Variants in CA3 observed in about 807,000 individuals in gnomAD.
CA3 encodes CA-III.
In CA3, 30 loss-of-function variants were observed where a neutral mutation model predicts 35.7. That is an observed-to-expected ratio of 0.84 (90% confidence interval 0.63 to 1.14). CA3 has a LOEUF of 1.14. Among genes scored for constraint, CA3 ranks in the 50% most tolerant of loss-of-function variants. The pLI, the probability that CA3 is intolerant of heterozygous loss-of-function variation, is 0.00. For missense variants in CA3, 295 were observed against 328.5 expected (o/e 0.90, Z 0.79); for synonymous variants, 131 against 130.8 (o/e 1.00, Z -0.01).
At position 85,448,274 on chromosome 8, in the gene CA3, G is replaced by T; in HGVS notation, c.*121G>T. The T allele has an allele frequency of 1.0e-6, 1 of 981,826 alleles. No homozygotes were observed. Among genetic ancestry groups the T allele is most frequent in the Non-Finnish European group, 1.4e-6 (1 of 700,552 alleles). 60.8% of individuals were successfully genotyped at this position (981,826 alleles called of 1,614,324 possible). On this transcript the variant is annotated 3_prime_UTR_variant, in exon 7 of 7. Transcript: ENST00000285381. ...CATTTTTCCACACTGAGCAATGAATGTGAGAGATGTGGTCACCAAGATCTA... is the reference window on the plus strand; with the variant it reads ...CATTTTTCCACACTGAGCAATGAATTTGAGAGATGTGGTCACCAAGATCTA...
At position 85,448,090 on chromosome 8, in the gene CA3, T is replaced by C; in HGVS notation, c.720T>C (p.Leu240=). Reference sequence around the variant, plus strand: ...CTGAGAACGAGCCCCCAGTGCCTCTTGTGAGCAACTGGCGACCTCCACAGC... The same window carrying C: ...CTGAGAACGAGCCCCCAGTGCCTCTCGTGAGCAACTGGCGACCTCCACAGC... The part of the protein sequence containing the change: ...SSAENEPPVP[L]VSNWRPPQPI... The change falls in exon 7 of 7, where the codon CTT becomes CTC. Residue 240 remains leucine (L), a synonymous_variant. Transcript: ENST00000285381. The C allele has an allele frequency of 6.2e-7, 1 of 1,613,728 alleles. No individual in the cohort carries two copies. Among genetic ancestry groups the C allele is most frequent in the Non-Finnish European group, 8.5e-7 (1 of 1,179,812 alleles).
In CA3 at chr8:85,439,719, CCA is replaced by C; in HGVS notation, c.44_45del (p.His15LeufsTer3). ...CTCGACTTTATTTCCTAGGTCCTGACCACTGGCATGAACTTTTCCCAAATGCC... is the reference window on the plus strand; with the variant it reads ...CTCGACTTTATTTCCTAGGTCCTGACCTGGCATGAACTTTTCCCAAATGCC... The part of the protein sequence containing the change: ...WGYASHNGPD[H>X]WHELFPNAKG... On this transcript the variant is annotated frameshift_variant, in exon 2 of 7. Coordinates refer to ENST00000285381, the MANE Select transcript of CA3 (RefSeq NM_005181.4). LOFTEE classifies it high-confidence loss of function. 1 of 1,613,070 alleles carries C rather than the reference CCA, an allele frequency of 6.2e-7. No individual in the cohort carries two copies. The highest frequency in any genetic ancestry group is 1.1e-5 in the South Asian group (1 of 91,062).
At chr8:85,445,917 A>G (rs1205597331) in intron 5 of CA3, among the ~76,000 whole-genome samples, 2 of 152,244 alleles carry the variant, frequency 1.3e-5, no homozygotes, top group Non-Finnish European at 2.9e-5. Flanking sequence ...CAGCTAAAAC[A>G]CTAAGGAACA....
At chr8:85,443,909 T>C in intron 3 of CA3, 125 bp from the exon 4 acceptor site, 2 of 683,428 alleles carry the variant, frequency 2.9e-6, no homozygotes, top group South Asian at 3.4e-5. Flanking sequence ...TTTCAAATTT[T>C]CTCAGCTTTT....
At chr8:85,443,921 T>C in intron 3 of CA3, 113 bp from the exon 4 acceptor site, 1 of 748,614 alleles carries the variant, frequency 1.3e-6, no homozygotes, top group South Asian at 1.6e-5. Flanking sequence ...TCAGCTTTTA[T>C]GAGAGTGCTC....
chr8:85,446,447 C>A, intron 6 of CA3, 150 bp downstream of exon 6: 1 of 875,846 alleles, frequency 1.1e-6, no homozygotes, highest in Non-Finnish European at 1.6e-6. Context: ...TAATTACAAC[C>A]AGCCTGTTCA....
chr8:85,440,757 T>C (rs1811196708), intron 2 of CA3, among the ~76,000 whole-genome samples: 1 of 152,216 alleles, frequency 6.6e-6, no homozygotes, highest in Admixed American at 6.5e-5. Context: ...TTAATGATTT[T>C]GTAATGAAGA....
Position 85,448,381 on chromosome 8 carries a change from T to C in CA3, c.*228T>C. ...TCACATTTGATCTCTGTAATAATCA[T>C]CTTTCCTATAAAAGTAGCATTTTTG... On this transcript the variant is annotated 3_prime_UTR_variant, in exon 7 of 7. Coordinates refer to ENST00000285381, the MANE Select transcript of CA3 (RefSeq NM_005181.4). The C allele has an allele frequency of 3.0e-6, 1 of 328,252 alleles. No homozygotes were observed. Among genetic ancestry groups the C allele is most frequent in the Non-Finnish European group, 5.4e-6 (1 of 184,138 alleles). The allele number at this position is 328,252 out of a possible 1,614,324, so 20.3% of individuals were successfully genotyped here.
At position 85,439,763 on chromosome 8, in the gene CA3, C is replaced by T. The variant is rs759873251; in HGVS notation, c.86C>T (p.Ser29Leu). 7 of 1,613,970 alleles carry T rather than the reference C, an allele frequency of 4.3e-6. No individual in the cohort carries two copies. The highest frequency in any genetic ancestry group is 5.9e-6 in the Non-Finnish European group (7 of 1,179,908). Residue 29 changes from serine (S) to leucine (L), a missense_variant, in exon 2 of 7, where the codon TCG becomes TTG. Transcript: ENST00000285381. ...CCAAATGCCAAGGGGGAAAACCAGT[C>T]GCCCGTTGAGCTGCATACTAAAGAC... is the stretch of plus-strand genomic sequence containing the variant. Reference protein sequence around the residue: ...LFPNAKGENQSPVELHTKDIR... With the variant: ...LFPNAKGENQLPVELHTKDIR...
intron 6 of CA3, among the ~76,000 whole-genome samples, chr8:85,446,813 A>G (rs764230938): frequency 1.3e-5 from 2 of 152,226 alleles, no homozygotes; most frequent in Non-Finnish European, 2.9e-5. Flanking sequence ...AACTGTTTCC[A>G]GTACTTTTTG....
chr8:85,448,040 A>C lies in CA3; in HGVS notation c.670A>C (p.Lys224Gln). The C allele has an allele frequency of 6.2e-7, 1 of 1,611,130 alleles. No individual in the cohort carries two copies. Among genetic ancestry groups the C allele is most frequent in the South Asian group, 1.1e-5 (1 of 90,146 alleles). ...CTGCCCCTGCCCTTTGCAGATGGCC[A>C]AGCTGCGGAGCCTCCTCTCCAGTGC... ...PMTVSSDQMAKLRSLLSSAEN... is the reference protein window; with the variant it reads ...PMTVSSDQMAQLRSLLSSAEN... The change falls in exon 7 of 7, where the codon AAG becomes CAG. Residue 224 changes from lysine to glutamine, a missense_variant. Coordinates refer to ENST00000285381, the MANE Select transcript of CA3 (RefSeq NM_005181.4).
At chr8:85,440,497 G>A (rs1179786494) in intron 2 of CA3, among the ~76,000 whole-genome samples, 3 of 152,146 alleles carry the variant, frequency 2.0e-5, no homozygotes, top group African/African-American at 7.2e-5. Flanking sequence ...TTCTTCTTGA[G>A]TAGTAGTTTG....
chr8:85,439,002 C>T, intron 1 of CA3, 59 bp downstream of exon 1: 1 of 1,529,602 alleles, frequency 6.5e-7, no homozygotes, highest in African/African-American at 1.4e-5. Context: ...AGAGCCCTGC[C>T]ATTGCACAGA....
At chr8:85,443,215 A>G (rs1811232075) in intron 3 of CA3, among the ~76,000 whole-genome samples, 1 of 152,242 alleles carries the variant, frequency 6.6e-6, no homozygotes, top group South Asian at 2.1e-4. Flanking sequence ...AAAGAAAAAC[A>G]TGAATTTTAA....
intron 1 of CA3, 128 bp from the exon 2 acceptor site, chr8:85,439,584 C>T (rs1585997356): frequency 1.6e-6 from 1 of 628,360 alleles, no homozygotes; most frequent in East Asian, 2.7e-5. Context: ...TCTTATTGCC[C>T]AGTCTGAAAC....
chr8:85,440,426 G>A (rs928782057), intron 2 of CA3, among the ~76,000 whole-genome samples: 3 of 152,186 alleles, frequency 2.0e-5, no homozygotes, highest in African/African-American at 7.2e-5. Context: ...TTGCCTTCAA[G>A]CCTTCAGTGG....
intron 2 of CA3, 113 bp downstream of exon 2, chr8:85,440,022 T>A: frequency 1.4e-6 from 1 of 725,892 alleles, no homozygotes; most frequent in South Asian, 1.8e-5. Context: ...CTTTATCTTT[T>A]AAAATGCAGA....
chr8:85,448,262 T>G lies in CA3; in HGVS notation c.*109T>G. 1.7e-6 allele frequency: 2 copies of G among 1,177,456 alleles called. No homozygotes were observed. Among genetic ancestry groups the G allele is most frequent in the African/African-American group, 1.5e-5 (1 of 65,378 alleles). 72.9% of individuals were successfully genotyped at this position (1,177,456 alleles called of 1,614,324 possible). On this transcript the variant is annotated 3_prime_UTR_variant, in exon 7 of 7. Transcript: ENST00000285381. Reference sequence around the variant, plus strand: ...CCAAGTCTATTTCATTTTTCCACACTGAGCAATGAATGTGAGAGATGTGGT... The same window carrying G: ...CCAAGTCTATTTCATTTTTCCACACGGAGCAATGAATGTGAGAGATGTGGT...
intron 6 of CA3, 98 bp from the exon 7 acceptor site, chr8:85,447,936 C>A: frequency 8.6e-7 from 1 of 1,169,436 alleles, no homozygotes; most frequent in Non-Finnish European, 1.2e-6. Context: ...AAAAAACCAA[C>A]AACAAAAAAA....
Sources: gnomAD v4.1 joint callset for allele counts (sites outside exome capture counted in the v4.1 genomes callset) on GRCh38, gnomAD v4.1.1 for gene constraint, MANE v1.5 for transcripts, NCBI Gene and HGNC (gene_info 2026-07-23, HGNC 2026-07-21) for gene names.